The following MORN1 variants were observed in gnomAD, a reference collection of about 807,000 sequenced individuals.
The protein encoded by MORN1 is MORN repeat containing 1, also known as MORN repeat-containing protein 1.
In MORN1, 67 loss-of-function variants were observed where a neutral mutation model predicts 61.9. The observed-to-expected ratio is 1.08, with a 90% CI of 0.89 to 1.33. The LOEUF (loss-of-function observed/expected upper bound fraction) is 1.33. Ranked by LOEUF, MORN1 falls within the 40% of genes most tolerant of loss-of-function variation. The pLI is 0.00. For synonymous variants in MORN1, 301 were observed against 292.0 expected (o/e 1.03, Z -0.31); for missense variants, 752 against 691.2 (o/e 1.09, Z -0.99).
At chr1:2,332,252 C>G (rs1283778226) in intron 12 of MORN1, 1 of 226,420 alleles carries the variant, frequency 4.4e-6, no homozygotes, top group Non-Finnish European at 8.9e-6. Flanking sequence ...CTGAGAGGAG[C>G]TCCTGTTGTG....
At chr1:2,345,828 G>GA (rs546893536) in intron 10 of MORN1, among the ~76,000 whole-genome samples, 1,548 of 79,176 alleles carry the variant, frequency 0.02, 23 homozygotes, top group African/African-American at 0.092. Context: ...CATGTATGCG[G>GA]CCACACACAC....
At chr1:2,355,305 G>A in intron 10 of MORN1, 1 of 1,470,198 alleles carries the variant, frequency 6.8e-7, no homozygotes, top group Non-Finnish European at 9.1e-7. Context: ...TTGGCCTGAG[G>A]CTTGGCCGCC....
chr1:2,379,566 G>T (rs761224649), intron 6 of MORN1, among the ~76,000 whole-genome samples: 1 of 152,174 alleles, frequency 6.6e-6, no homozygotes, highest in African/African-American at 2.4e-5. Flanking sequence ...ACGGGTGGGG[G>T]CAGCTGGTGG....
At chr1:2,370,534 T>C (rs1366151051) in intron 8 of MORN1, among the ~76,000 whole-genome samples, 10 of 152,168 alleles carry the variant, frequency 6.6e-5, no homozygotes, top group Non-Finnish European at 1.3e-4. Flanking sequence ...AAAGATAGCA[T>C]TAGGCAAATG....
In MORN1 at chr1:2,334,259, G is replaced by A. The variant is rs1026071597; in HGVS notation, c.1250+2210C>T. On this transcript the variant is annotated intron_variant, in intron 12 of 13. Transcript: ENST00000378531. This position sits in a 1 kb window ranked among gnomAD's most constrained non-coding sequence, Gnocchi z 5.4. ...GTGGGGGGGCAGCAGGTGTAAGAAC[G>A]GTAAGGGATCACGTGGCTACAAGGA... is the stretch of plus-strand genomic sequence containing the variant. 6.6e-6 allele frequency among the ~76,000 whole-genome samples: 1 copy of A among 152,082 alleles called. No homozygotes were observed. Among genetic ancestry groups the A allele is most frequent in the Non-Finnish European group, 1.5e-5 (1 of 67,992 alleles).
intron 10 of MORN1, chr1:2,351,603 G>A (rs1641648936): frequency 3.5e-6 from 1 of 285,140 alleles, no homozygotes; most frequent in African/African-American, 2.3e-5. Flanking sequence ...ACCAAGCTCT[G>A]AGCAATGGCA....
At position 2,360,792 on chromosome 1, in the gene MORN1, A is replaced by C. The variant is rs1400774780; in HGVS notation, c.746-2077T>G. ...GACCAGGACCTGGGCCTCACACAGG[A>C]CTGGGCATGGTGCCTGTTCTCCTCA... On this transcript the variant is annotated intron_variant, in intron 8 of 13. Transcript: ENST00000378531. Among the ~76,000 whole-genome samples, 4 of 152,290 alleles carry C rather than the reference A, an allele frequency of 2.6e-5. No individual in the cohort carries two copies. The East Asian group carries it at 7.7e-4, about 29-fold the overall frequency.
Position 2,341,418 on chromosome 1 carries a change from G to A in MORN1, c.1037-4568C>T, listed in dbSNP as rs116820335. ...TGAAAAGAAAAGGCTAAAAGGGGCC[G>A]GGCGTGGTGGCTCATGCCTGTCCCA... On this transcript the variant is annotated intron_variant, in intron 10 of 13. Coordinates refer to ENST00000378531, the MANE Select transcript of MORN1 (RefSeq NM_024848.3). Among the ~76,000 whole-genome samples the A allele has an allele frequency of 1.3e-3, 198 of 152,252 alleles. 1 individual carries two copies. Among genetic ancestry groups the A allele is most frequent in the African/African-American group, 4.5e-3 (189 of 41,552 alleles).
Position 2,358,730 on chromosome 1 carries a change from G to T in MORN1, c.746-15C>A. On this transcript the variant is annotated splice_polypyrimidine_tract_variant and intron_variant, in intron 8 of 13. Coordinates refer to ENST00000378531, the MANE Select transcript of MORN1 (RefSeq NM_024848.3). ...GCCGCTCTCGCCTTCCAGGAGAGAG[G>T]AGCAGGCAGTGAACACTCACAGGCA... is the stretch of plus-strand genomic sequence containing the variant. The T allele has an allele frequency of 6.2e-7, 1 of 1,602,112 alleles. No homozygotes were observed. Among genetic ancestry groups the T allele is most frequent in the Non-Finnish European group, 8.5e-7 (1 of 1,173,596 alleles).
rs1018466408 is a variant in MORN1 at position 2,340,744 on chromosome 1, A to G, written c.1037-3894T>C. Among the ~76,000 whole-genome samples, 9 of 152,232 alleles carry G rather than the reference A, an allele frequency of 5.9e-5. No homozygotes were observed. In the East Asian group the frequency reaches 1.6e-3, roughly 26 times the overall value. The stretch of plus-strand genomic sequence containing the variant: ...GACGGGCCACCACACAGGACACCAG[A>G]CTGCCACACAGGCCACGGCGAGGGC... On this transcript the variant is annotated intron_variant, in intron 10 of 13. Coordinates refer to ENST00000378531, the MANE Select transcript of MORN1 (RefSeq NM_024848.3).
chr1:2,346,808 A>G (rs920387207), intron 10 of MORN1, among the ~76,000 whole-genome samples: 9 of 152,180 alleles, frequency 5.9e-5, no homozygotes, highest in Non-Finnish European at 1.3e-4. Flanking sequence ...AGCCGGTCCG[A>G]GTACCGAGGC....
intron 12 of MORN1, among the ~76,000 whole-genome samples, chr1:2,331,819 CGCCGCTGCGCCTCTCCCTCGT>C (rs1641155950): frequency 2.0e-5 from 3 of 151,894 alleles, no homozygotes; most frequent in East Asian, 1.9e-4. Flanking sequence ...GCGCCTCTCC[CGCCGCTGCGCCTCTCCCTCGT>C]GCGGCTCTCC....
At chr1:2,346,205 G>A (rs1257244131) in intron 10 of MORN1, among the ~76,000 whole-genome samples, 1 of 151,940 alleles carries the variant, frequency 6.6e-6, no homozygotes, top group African/African-American at 2.4e-5. Context: ...AAGCCACCAG[G>A]GAACCTTCCC....
chr1:2,324,995 G>C (rs944788173), intron 12 of MORN1, among the ~76,000 whole-genome samples: 1 of 151,650 alleles, frequency 6.6e-6, no homozygotes, highest in African/African-American at 2.4e-5. Flanking sequence ...AGGTGCCTCC[G>C]ATGCTCCTGC....
chr1:2,356,046 G>T (rs1205700448), intron 10 of MORN1, among the ~76,000 whole-genome samples: 4 of 152,218 alleles, frequency 2.6e-5, no homozygotes, highest in African/African-American at 9.6e-5. Flanking sequence ...GGAGTTGGGG[G>T]ATCACCCCAG....
chr1:2,324,137 C>T lies in MORN1; in HGVS notation c.1257G>A (p.Glu419=), dbSNP rs1640945695. The T allele has an allele frequency of 1.3e-6, 2 of 1,599,286 alleles. No homozygotes were observed. Among genetic ancestry groups the T allele is most frequent in the South Asian group, 1.1e-5 (1 of 88,736 alleles). Residue 419 remains glutamate (E), a synonymous_variant, in exon 13 of 14, where the codon GAG becomes GAA. Coordinates refer to ENST00000378531, the MANE Select transcript of MORN1 (RefSeq NM_024848.3). ...CAGCCTGCTCCTCCGTGGCTCTCCC[C>T]TCAGGCCTGTGGAGACGACACAGTG... ...AQEPPGGSRP[E]GRATEEQAAA...
chr1:2,390,796 T>C (rs1642634545), intron 1 of MORN1: 1 of 974,276 alleles, frequency 1.0e-6, no homozygotes, highest in Non-Finnish European at 1.2e-6. Context: ...TCGCCCAGGC[T>C]GGGGTGCAGC....
chr1:2,369,485 G>A (rs1642070754), intron 8 of MORN1, among the ~76,000 whole-genome samples: 1 of 151,998 alleles, frequency 6.6e-6, no homozygotes, highest in African/African-American at 2.4e-5. Flanking sequence ...GACTGAAAAG[G>A]AAGAAGTAAA....
chr1:2,325,126 CCTT>C (rs1557865194), intron 12 of MORN1, among the ~76,000 whole-genome samples: 8 of 79,684 alleles, frequency 1.0e-4, no homozygotes, highest in East Asian at 8.5e-4. Context: ...TCCTTCCCTT[CCTT>C]CCTTCCCTCC....
Sources: gnomAD v4.1 joint callset for allele counts (sites outside exome capture counted in the v4.1 genomes callset) on GRCh38, gnomAD v4.1.1 for gene constraint, Gnocchi (gnomAD v3.1) non-coding constraint, MANE v1.5 for transcripts, NCBI Gene and HGNC (gene_info 2026-07-23, HGNC 2026-07-21) for gene names.